DHRSX: variants seen among roughly 807,000 people sequenced by gnomAD.
The protein encoded by DHRSX is dehydrogenase/reductase X-linked.
In DHRSX, 31 loss-of-function variants were observed where a neutral mutation model predicts 34.0. The observed-to-expected ratio is 0.91, with a 90% CI of 0.69 to 1.23. DHRSX has a LOEUF of 1.23. Ranked by LOEUF, DHRSX falls within the 50% of genes most tolerant of loss-of-function variation. The probability of loss-of-function intolerance (pLI) is 0.00; values close to 1 mark genes in which losing one functional copy is unlikely to be tolerated. For synonymous variants in DHRSX, 201 were observed against 183.8 expected, an observed-to-expected ratio of 1.09 and a Z score of -0.76; for missense variants, 414 against 428.1, an observed-to-expected ratio of 0.97 and a Z score of 0.29.
chrX:2,479,128 C>G (rs189925864), intron 1 of DHRSX, among the ~76,000 whole-genome samples: 1 of 151,580 alleles, frequency 6.6e-6, no homozygotes, highest in African/African-American at 2.4e-5. Flanking sequence ...TGAAGATGTT[C>G]GCTAACAATG....
chrX:2,312,110 G>T (rs1199739403), intron 3 of DHRSX, among the ~76,000 whole-genome samples: 1 of 152,092 alleles, frequency 6.6e-6, no homozygotes, highest in African/African-American at 2.4e-5. Context: ...TAAAGAGAAA[G>T]CTTGAGGAAC....
chrX:2,323,461 C>T (rs1254290395), intron 3 of DHRSX, among the ~76,000 whole-genome samples: 1 of 151,994 alleles, frequency 6.6e-6, no homozygotes, highest in Non-Finnish European at 1.5e-5. Flanking sequence ...ACTATGAACC[C>T]CAGAATAGAT....
chrX:2,261,884 G>A (rs1463905724), intron 5 of DHRSX: 1 of 152,188 alleles, frequency 6.6e-6, no homozygotes, highest in African/African-American at 2.4e-5. Flanking sequence ...ACGAGGAAGG[G>A]GTGTTCCTGT....
chrX:2,236,946 C>G (rs1266439306), intron 6 of DHRSX, among the ~76,000 whole-genome samples: 1 of 151,728 alleles, frequency 6.6e-6, no homozygotes, highest in Non-Finnish European at 1.5e-5. Context: ...CCCAGCACTT[C>G]GGCAGGCCGA....
At position 2,500,939 on chromosome X, in the gene DHRSX, G is replaced by GCGC. The variant is rs1156490934; in HGVS notation, c.-17_-15dup. 14 of 1,050,296 alleles carry GCGC rather than the reference G, an allele frequency of 1.3e-5. No homozygotes were observed. In the South Asian group the frequency reaches 3.9e-4, roughly 30 times the overall value. 65.1% of individuals were successfully genotyped at this position (1,050,296 alleles called of 1,614,324 possible). On this transcript the variant is annotated 5_prime_UTR_variant, in exon 1 of 7. Transcript: ENST00000334651. ...CAATGGCGACATGGCTGCCCCGGCCGCGCCGCCGCCGCTTCCGCGCCGCCC... is the reference window on the plus strand; with the variant it reads ...CAATGGCGACATGGCTGCCCCGGCCGCGCCGCCGCCGCCGCTTCCGCGCCGCCC...
intron 5 of DHRSX, among the ~76,000 whole-genome samples, chrX:2,264,466 C>T (rs189735939): frequency 1.0e-3 from 146 of 144,076 alleles, no homozygotes; most frequent in African/African-American, 3.6e-3. Flanking sequence ...GCTCAGCAGA[C>T]GCAGAGAGCA....
chrX:2,376,764 G>C (rs1160594939), intron 3 of DHRSX, among the ~76,000 whole-genome samples: 1 of 152,010 alleles, frequency 6.6e-6, no homozygotes, highest in South Asian at 2.1e-4. Flanking sequence ...GGGAGGCTGA[G>C]GCAGGCAGAT....
chrX:2,246,688 GA>G lies in DHRSX; in HGVS notation c.597-3459del, dbSNP rs1350710207. On this transcript the variant is annotated intron_variant, in intron 5 of 6. Transcript: ENST00000334651. Reference sequence around the variant, plus strand: ...AAGAAAGAAAAGAAAGAAAGAAAAAGAAAAGAAAAGAAAGAAAGAGAAAGAA... The same window carrying G: ...AAGAAAGAAAAGAAAGAAAGAAAAAGAAAGAAAAGAAAGAAAGAGAAAGAA... 3.3e-3 allele frequency among the ~76,000 whole-genome samples: 273 copies of G among 82,972 alleles called. 3 individuals are homozygous for G. The highest frequency in any genetic ancestry group is 0.012 in the African/African-American group (241 of 19,366). The allele number at this position is 82,972 out of a possible 152,430, so 54.4% of individuals were successfully genotyped here.
chrX:2,467,878 T>G (rs1282669767), intron 1 of DHRSX, among the ~76,000 whole-genome samples: 1 of 151,426 alleles, frequency 6.6e-6, no homozygotes, highest in Non-Finnish European at 1.5e-5. Context: ...GGAGAATCGC[T>G]TGAACCCAGG....
intron 3 of DHRSX, among the ~76,000 whole-genome samples, chrX:2,307,512 C>G (rs767668166): frequency 7.2e-5 from 11 of 152,096 alleles, no homozygotes; most frequent in Admixed American, 3.3e-4. Flanking sequence ...GCCTGTAATC[C>G]CAGCACTTTG....
intron 6 of DHRSX, among the ~76,000 whole-genome samples, chrX:2,224,377 T>G (rs1383823873): frequency 6.6e-6 from 1 of 152,212 alleles, no homozygotes; most frequent in Non-Finnish European, 1.5e-5. Context: ...TTCTACCATA[T>G]TTTGAAAAAT....
chrX:2,350,274 T>G lies in DHRSX; in HGVS notation c.286+58471A>C, dbSNP rs368018306. Among the ~76,000 whole-genome samples the G allele has an allele frequency of 2.5e-3, 361 of 146,936 alleles. 2 individuals are homozygous for G. Among genetic ancestry groups the G allele is most frequent in the African/African-American group, 8.6e-3 (341 of 39,744 alleles). On this transcript the variant is annotated intron_variant, in intron 3 of 6. Transcript: ENST00000334651. ...GCTGAGGCAGGAGAATCATTTGAAC[T>G]TGGGAGGCGGAGGTTGCAGTGAGCC...
intron 3 of DHRSX, among the ~76,000 whole-genome samples, chrX:2,360,640 C>T (rs1485196963): frequency 6.6e-6 from 1 of 151,924 alleles, no homozygotes; most frequent in Non-Finnish European, 1.5e-5. Flanking sequence ...CAACATCCAC[C>T]TCTGGAATGA....
chrX:2,500,717 G>C, intron 1 of DHRSX, 100 bp downstream of exon 1: 1 of 173,562 alleles, frequency 5.8e-6, no homozygotes, highest in Non-Finnish European at 7.9e-6. Flanking sequence ...GAGCGCCACC[G>C]CCTCGCCAAG....
chrX:2,342,318 C>T (rs2042651005), intron 3 of DHRSX, among the ~76,000 whole-genome samples: 1 of 152,084 alleles, frequency 6.6e-6, no homozygotes, highest in Admixed American at 6.6e-5. Context: ...TCTCTCTTCT[C>T]TCATTGAGAC....
intron 5 of DHRSX, among the ~76,000 whole-genome samples, chrX:2,265,553 C>T (rs1423350021): frequency 1.5e-5 from 2 of 137,502 alleles, no homozygotes; most frequent in South Asian, 2.4e-4. Context: ...CCCCAGAGCA[C>T]CAGTGCTCAG....
At chrX:2,362,977 A>G (rs1043960614) in intron 3 of DHRSX, among the ~76,000 whole-genome samples, 1 of 113,332 alleles carries the variant, frequency 8.8e-6, no homozygotes, top group Non-Finnish European at 2.1e-5. Flanking sequence ...CTATGGTATC[A>G]TGCCGCCATT....
intron 3 of DHRSX, among the ~76,000 whole-genome samples, chrX:2,307,962 A>C (rs2042120254): frequency 6.6e-6 from 1 of 152,000 alleles, no homozygotes; most frequent in Non-Finnish European, 1.5e-5. Context: ...TCCCTTTCCC[A>C]GGGCACCATG....
At chrX:2,266,399 T>C (rs1227942416) in intron 5 of DHRSX, among the ~76,000 whole-genome samples, 2 of 129,214 alleles carry the variant, frequency 1.5e-5, no homozygotes, top group South Asian at 2.7e-4. Context: ...AGCACCAGTG[T>C]ACAGCAGATG....
Sources: allele counts gnomAD v4.1 joint callset (sites outside exome capture counted in the v4.1 genomes callset), GRCh38; gene constraint gnomAD v4.1.1; transcripts MANE v1.5; gene names NCBI Gene and HGNC (gene_info 2026-07-23, HGNC 2026-07-21).